Variants in SOX6 observed in about 807,000 individuals in gnomAD.
The protein encoded by SOX6 is transcription factor SOX-6.
Under a neutral mutation model 97.8 loss-of-function variants are expected in SOX6, and 11 were observed. The ratio of observed to expected loss-of-function variants is 0.11; its 90% CI spans 0.07 to 0.19. SOX6 has a LOEUF of 0.19. SOX6 is among the 10% of genes least tolerant of loss of function. The pLI, the probability that SOX6 is intolerant of heterozygous loss-of-function variation, is 1.00. For missense variants in SOX6, 810 were observed against 1,039.5 expected (o/e 0.78, Z 3.04); for synonymous variants, 360 against 371.4 (o/e 0.97, Z 0.35).
At chr11:16,361,627 A>G (rs987886301) in intron 1 of SOX6, among the ~76,000 whole-genome samples, 7 of 152,182 alleles carry the variant, frequency 4.6e-5, no homozygotes, top group Non-Finnish European at 1.0e-4. Context: ...ATTGTTAAGC[A>G]AAGACCCTGA....
At chr11:16,426,642 C>T (rs11023940) in intron 1 of SOX6, among the ~76,000 whole-genome samples, 6 of 151,632 alleles carry the variant, frequency 4.0e-5, no homozygotes, top group East Asian at 1.9e-4. Flanking sequence ...TGGCCGGGCG[C>T]GGTGGCTCAC....
At chr11:16,608,286 G>A (rs1848358986) in intron 4 of SOX6, among the ~76,000 whole-genome samples, 1 of 152,136 alleles carries the variant, frequency 6.6e-6, no homozygotes, top group Non-Finnish European at 1.5e-5. Context: ...ATGGTAGCTT[G>A]TGCTTTGGAA....
At chr11:16,299,158 T>G (rs558921859) in intron 3 of SOX6, among the ~76,000 whole-genome samples, 1 of 152,348 alleles carries the variant, frequency 6.6e-6, no homozygotes, top group African/African-American at 2.4e-5. Context: ...ATGTTCCATA[T>G]ACCATAGAAT....
Position 16,300,723 on chromosome 11 carries a change from T to G in SOX6, c.445+17723A>C, listed in dbSNP as rs541243851. Among the ~76,000 whole-genome samples the G allele has an allele frequency of 6.6e-6, 1 of 152,312 alleles. No homozygotes were observed. The highest frequency in any genetic ancestry group is 1.9e-4 in the East Asian group (1 of 5,180). The stretch of plus-strand genomic sequence containing the variant: ...CCAGAGAAACCTGCGGCTGTTCACC[T>G]TAACAACTAGGAAATTCACTTCTAC... On this transcript the variant is annotated intron_variant, in intron 3 of 15. Coordinates refer to ENST00000683767, the MANE Select transcript of SOX6 (RefSeq NM_001367873.1). The surrounding 1 kb of genome is among the most constrained non-coding windows in gnomAD (Gnocchi z 4.1).
chr11:16,474,814 C>T (rs971751289), intron 1 of SOX6, among the ~76,000 whole-genome samples: 14 of 152,152 alleles, frequency 9.2e-5, no homozygotes, highest in East Asian at 3.9e-4. Context: ...TGAAGCCAGG[C>T]GCTGACTTTT....
chr11:16,407,182 A>C (rs955924585), intron 1 of SOX6, among the ~76,000 whole-genome samples: 1 of 152,158 alleles, frequency 6.6e-6, no homozygotes, highest in Non-Finnish European at 1.5e-5. Context: ...TAGAAAGTAC[A>C]GACAGTTTTA....
intron 4 of SOX6, among the ~76,000 whole-genome samples, chr11:16,206,633 A>C (rs1381603183): frequency 6.6e-6 from 1 of 152,214 alleles, no homozygotes; most frequent in Admixed American, 6.5e-5. Flanking sequence ...ATACATGTGA[A>C]GCACTTAGAA....
chr11:16,552,571 T>A (rs1035608270), intron 4 of SOX6, among the ~76,000 whole-genome samples: 7 of 152,114 alleles, frequency 4.6e-5, no homozygotes, highest in Non-Finnish European at 8.8e-5. Context: ...CTTCCACAAA[T>A]GAAAGCAATT....
At chr11:16,594,533 T>C (rs1194833632) in intron 4 of SOX6, among the ~76,000 whole-genome samples, 1 of 152,054 alleles carries the variant, frequency 6.6e-6, no homozygotes. Flanking sequence ...TTTAAAACAA[T>C]AAAATTTTCC....
At chr11:16,294,267 C>T (rs932549827) in intron 3 of SOX6, among the ~76,000 whole-genome samples, 1 of 151,866 alleles carries the variant, frequency 6.6e-6, no homozygotes, top group African/African-American at 2.4e-5. Context: ...ATGTAATAAA[C>T]AGTAAATGTT....
At chr11:16,121,692 A>C (rs1009619681) in intron 6 of SOX6, among the ~76,000 whole-genome samples, 5 of 152,020 alleles carry the variant, frequency 3.3e-5, no homozygotes, top group African/African-American at 1.2e-4. Context: ...AAAAATTGAG[A>C]GTATTTTTGA....
intron 12 of SOX6, among the ~76,000 whole-genome samples, chr11:16,044,998 T>C (rs568594999): frequency 1.3e-5 from 2 of 151,628 alleles, no homozygotes; most frequent in East Asian, 1.9e-4. Context: ...CTATCATCTA[T>C]GTATCTATCT....
intron 2 of SOX6, among the ~76,000 whole-genome samples, chr11:16,727,135 C>T (rs1276443586): frequency 6.6e-6 from 1 of 151,904 alleles, no homozygotes; most frequent in Non-Finnish European, 1.5e-5. Flanking sequence ...TAACCCCCAT[C>T]TACCACTACT....
chr11:16,567,941 G>A (rs1847893538), intron 4 of SOX6, among the ~76,000 whole-genome samples: 1 of 151,272 alleles, frequency 6.6e-6, no homozygotes, highest in Admixed American at 6.6e-5. Flanking sequence ...ATTGCTTAAT[G>A]ATACCACATA....
At chr11:16,685,158 A>C (rs1021196174) in intron 3 of SOX6, among the ~76,000 whole-genome samples, 5 of 152,136 alleles carry the variant, frequency 3.3e-5, no homozygotes, top group African/African-American at 1.2e-4. Flanking sequence ...AAACTATATC[A>C]TTCCATTCCT....
At chr11:16,063,942 A>G (rs1243019343) in intron 9 of SOX6, among the ~76,000 whole-genome samples, 2 of 151,586 alleles carry the variant, frequency 1.3e-5, no homozygotes, top group Admixed American at 6.6e-5. Flanking sequence ...TCATCAGAAA[A>G]GGATCACTGT....
At chr11:16,119,579 A>G (rs562103379) in intron 6 of SOX6, among the ~76,000 whole-genome samples, 1 of 152,290 alleles carries the variant, frequency 6.6e-6, no homozygotes, top group African/African-American at 2.4e-5. Context: ...TTATATTTCT[A>G]TATATCCTGT....
At chr11:16,640,784 A>G (rs1182370413) in intron 3 of SOX6, among the ~76,000 whole-genome samples, 2 of 152,048 alleles carry the variant, frequency 1.3e-5, no homozygotes, top group Admixed American at 6.6e-5. Context: ...TATTACATCT[A>G]TTTAATTCTT....
chr11:16,564,192 A>C (rs1847843632), intron 4 of SOX6, among the ~76,000 whole-genome samples: 1 of 152,214 alleles, frequency 6.6e-6, no homozygotes, highest in African/African-American at 2.4e-5. Flanking sequence ...GCAAAATATA[A>C]TAGTGTGAAT....
Sources: allele counts gnomAD v4.1 joint callset (sites outside exome capture counted in the v4.1 genomes callset), GRCh38; gene constraint gnomAD v4.1.1; non-coding constraint Gnocchi (gnomAD v3.1); transcripts MANE v1.5; gene names NCBI Gene and HGNC (gene_info 2026-07-23, HGNC 2026-07-21).